The following ANKFN1 variants were observed in gnomAD, a reference collection of about 807,000 sequenced individuals.
The protein encoded by ANKFN1 is ankyrin repeat and fibronectin type III domain containing 1, also known as ankyrin repeat and fibronectin type-III domain-containing protein 1.
In ANKFN1, 74 loss-of-function variants were observed where a neutral mutation model predicts 108.7. The ratio of observed to expected loss-of-function variants is 0.68; its 90% CI spans 0.56 to 0.83. The LOEUF is 0.83. Ranked by LOEUF, ANKFN1 falls within the 40% of genes least tolerant of loss-of-function variation. The pLI is 0.00. For synonymous variants in ANKFN1, 547 were observed against 516.2 expected, an observed-to-expected ratio of 1.06 and a Z score of -0.81; for missense variants, 1,505 against 1,382.3, an observed-to-expected ratio of 1.09 and a Z score of -1.41.
At chr17:56,499,143 T>C (rs1482878395) in intron 20 of ANKFN1, 45 bp downstream of exon 20, 1 of 1,508,362 alleles carries the variant, frequency 6.6e-7, no homozygotes, top group African/African-American at 1.4e-5. Flanking sequence ...CCCTGGACTT[T>C]TGATCCTCTC....
At chr17:56,206,580 T>G (rs996650749) in intron 1 of ANKFN1, 2 of 152,132 alleles carry the variant, frequency 1.3e-5, no homozygotes, top group Non-Finnish European at 2.9e-5. Context: ...GTTATCTGGG[T>G]GAGAAGGGTT....
intron 8 of ANKFN1, among the ~76,000 whole-genome samples, chr17:56,429,017 G>T (rs1160106449): frequency 1.3e-5 from 2 of 152,192 alleles, no homozygotes; most frequent in Admixed American, 6.5e-5. Context: ...CACTGAAGAA[G>T]TTCCAGGGAA....
At chr17:56,465,455 A>G (rs1402001021) in intron 14 of ANKFN1, among the ~76,000 whole-genome samples, 1 of 152,138 alleles carries the variant, frequency 6.6e-6, no homozygotes, top group Admixed American at 6.5e-5. Flanking sequence ...TCACTTTTAC[A>G]AATCCCAGTT....
At chr17:56,243,835 A>C (rs1437882006) in intron 3 of ANKFN1, among the ~76,000 whole-genome samples, 1 of 152,154 alleles carries the variant, frequency 6.6e-6, no homozygotes, top group African/African-American at 2.4e-5. Flanking sequence ...AAATGAACTA[A>C]GGAGTGTTTC....
intron 8 of ANKFN1, among the ~76,000 whole-genome samples, chr17:56,400,809 T>G (rs1567973737): frequency 6.6e-6 from 1 of 152,174 alleles, no homozygotes; most frequent in East Asian, 1.9e-4. Flanking sequence ...TACATGTGGC[T>G]AGCCAATTAT....
At chr17:56,239,678 A>C (rs1187890838) in intron 3 of ANKFN1, among the ~76,000 whole-genome samples, 1 of 152,148 alleles carries the variant, frequency 6.6e-6, no homozygotes, top group Non-Finnish European at 1.5e-5. Context: ...TACAGGCATC[A>C]AGGATTAGAC....
intron 4 of ANKFN1, among the ~76,000 whole-genome samples, chr17:56,061,265 CTTTTTTTTTTTT>C (rs71137190): frequency 2.7e-5 from 2 of 72,932 alleles, no homozygotes; most frequent in African/African-American, 5.6e-5. Context: ...GGTAGTTTTT[CTTTTTTTTTTTT>C]TTTTTTTTTT....
intron 4 of ANKFN1, among the ~76,000 whole-genome samples, chr17:56,146,157 T>A (rs1279865149): frequency 6.6e-6 from 1 of 152,190 alleles, no homozygotes; most frequent in Non-Finnish European, 1.5e-5. Context: ...ATGTGTCACA[T>A]CCAGATTATG....
At chr17:56,104,740 C>G (rs1905710340) in intron 4 of ANKFN1, among the ~76,000 whole-genome samples, 1 of 152,192 alleles carries the variant, frequency 6.6e-6, no homozygotes, top group Non-Finnish European at 1.5e-5. Flanking sequence ...GCTCTGCTCC[C>G]TGGTATTAAT....
At chr17:56,127,613 C>G (rs1907015229) in intron 4 of ANKFN1, among the ~76,000 whole-genome samples, 1 of 152,100 alleles carries the variant, frequency 6.6e-6, no homozygotes, top group Non-Finnish European at 1.5e-5. Flanking sequence ...CGCACCCGGC[C>G]AGCCTGAGCT....
intron 1 of ANKFN1, among the ~76,000 whole-genome samples, chr17:56,197,423 TA>T (rs1208642925): frequency 6.6e-6 from 1 of 152,200 alleles, no homozygotes; most frequent in African/African-American, 2.4e-5. Context: ...ATAATAAAAA[TA>T]GGTTTTACTA....
At chr17:56,329,273 A>C (rs2045600627) in intron 4 of ANKFN1, among the ~76,000 whole-genome samples, 1 of 152,236 alleles carries the variant, frequency 6.6e-6, no homozygotes, top group African/African-American at 2.4e-5. Flanking sequence ...CAAAGCCCAG[A>C]AAAACTTCAT....
At chr17:56,261,996 T>G (rs1391367800) in intron 3 of ANKFN1, among the ~76,000 whole-genome samples, 1 of 152,180 alleles carries the variant, frequency 6.6e-6, no homozygotes, top group Non-Finnish European at 1.5e-5. Flanking sequence ...GGAGAATCAT[T>G]AGCCTAAGGG....
At chr17:56,459,968 A>G (rs1460978222) in intron 14 of ANKFN1, among the ~76,000 whole-genome samples, 1 of 152,002 alleles carries the variant, frequency 6.6e-6, no homozygotes, top group Non-Finnish European at 1.5e-5. Flanking sequence ...CCTTGAAAAT[A>G]TTCCATTTTC....
chr17:56,434,246 A>G (rs952083695), intron 8 of ANKFN1, among the ~76,000 whole-genome samples: 2 of 152,300 alleles, frequency 1.3e-5, no homozygotes, highest in Non-Finnish European at 2.9e-5. Context: ...AGAGTACACG[A>G]TATATGTAGA....
At chr17:56,505,610 C>T (rs2051528776) in intron 20 of ANKFN1, among the ~76,000 whole-genome samples, 1 of 152,034 alleles carries the variant, frequency 6.6e-6, no homozygotes, top group African/African-American at 2.4e-5. Flanking sequence ...AGTTCATGGT[C>T]CAATGAGGAA....
chr17:56,417,946 A>G (rs2048289312), intron 8 of ANKFN1, among the ~76,000 whole-genome samples: 1 of 152,170 alleles, frequency 6.6e-6, no homozygotes, highest in African/African-American at 2.4e-5. Flanking sequence ...TCTTTTCTAC[A>G]TGAGTGTTTT....
chr17:56,378,262 A>G (rs1008476373), intron 8 of ANKFN1, among the ~76,000 whole-genome samples: 1 of 152,116 alleles, frequency 6.6e-6, no homozygotes, highest in Non-Finnish European at 1.5e-5. Context: ...TCAGCTTCTA[A>G]GAAGGAGAGT....
chr17:56,328,370 C>T (rs1246079894), intron 4 of ANKFN1, among the ~76,000 whole-genome samples: 1 of 152,114 alleles, frequency 6.6e-6, no homozygotes, highest in South Asian at 2.1e-4. Flanking sequence ...TATTAGGGCA[C>T]CTGAAATTCT....
Sources: allele counts gnomAD v4.1 joint callset (sites outside exome capture counted in the v4.1 genomes callset), GRCh38; gene constraint gnomAD v4.1.1; transcripts MANE v1.5; gene names NCBI Gene and HGNC (gene_info 2026-07-23, HGNC 2026-07-21).